SLC2A9: variants seen among roughly 807,000 people sequenced by gnomAD.
SLC2A9 encodes solute carrier family 2 member 9, also known as solute carrier family 2, facilitated glucose transporter member 9.
SLC2A9 carries 39 observed loss-of-function variants against 50.6 expected under a neutral mutation model. The observed-to-expected ratio is 0.77, with a 90% CI of 0.60 to 1.01. The LOEUF (loss-of-function observed/expected upper bound fraction) is 1.01, where lower values mean the gene tolerates loss of function less well. SLC2A9 is among the 50% of genes least tolerant of loss of function. SLC2A9 has a pLI of 0.00. For synonymous variants in SLC2A9, 324 were observed against 276.9 expected, an observed-to-expected ratio of 1.17 and a Z score of -1.69; for missense variants, 686 against 677.6, an observed-to-expected ratio of 1.01 and a Z score of -0.14.
intron 10 of SLC2A9, among the ~76,000 whole-genome samples, chr4:9,870,460 A>G (rs960672200): frequency 3.3e-5 from 5 of 152,160 alleles, no homozygotes; most frequent in African/African-American, 1.2e-4. Flanking sequence ...GGTTTTCTAC[A>G]TTTCTGTTGA....
intron 3 of SLC2A9, among the ~76,000 whole-genome samples, chr4:9,787,787 T>A (rs1198716385): frequency 6.6e-6 from 1 of 152,224 alleles, no homozygotes; most frequent in African/African-American, 2.4e-5. Context: ...GATTGGATTC[T>A]GTCATGTATG....
chr4:9,953,307 G>A (rs1315030788), intron 5 of SLC2A9, among the ~76,000 whole-genome samples: 5 of 152,200 alleles, frequency 3.3e-5, no homozygotes, highest in East Asian at 1.9e-4. Flanking sequence ...GGGCAGTGAC[G>A]AGAGGTCCCA....
intron 3 of SLC2A9, among the ~76,000 whole-genome samples, chr4:9,987,346 C>A (rs1449921871): frequency 6.6e-6 from 1 of 152,188 alleles, no homozygotes; most frequent in Non-Finnish European, 1.5e-5. Flanking sequence ...TCTCAAACTT[C>A]TGACCTCAGG....
chr4:9,991,751 G>C (rs945212237), intron 3 of SLC2A9, among the ~76,000 whole-genome samples: 4 of 152,166 alleles, frequency 2.6e-5, no homozygotes, highest in East Asian at 3.9e-4. Context: ...CACACACACA[G>C]GGAGCACACA....
chr4:9,927,755 T>C (rs189358732), intron 6 of SLC2A9, among the ~76,000 whole-genome samples: 204 of 152,288 alleles, frequency 1.3e-3, no homozygotes, highest in Non-Finnish European at 1.8e-3. Context: ...TTTATAGCTT[T>C]ATAACGTTTT....
chr4:9,944,809 T>C (rs1748811450), intron 5 of SLC2A9, among the ~76,000 whole-genome samples: 1 of 152,228 alleles, frequency 6.6e-6, no homozygotes, highest in Non-Finnish European at 1.5e-5. Flanking sequence ...AGAGGTGTTA[T>C]AGTTAGGAGA....
At chr4:9,931,962 C>CTCTCTCTCTCTA in intron 6 of SLC2A9, among the ~76,000 whole-genome samples, 1 of 14,580 alleles carries the variant, frequency 6.9e-5, no homozygotes, top group Non-Finnish European at 1.1e-4. Context: ...CTCTCTCTCT[C>CTCTCTCTCTCTA]TATATATATA....
chr4:10,039,159 A>G (rs1225195261), intron 1 of SLC2A9, among the ~76,000 whole-genome samples: 1 of 152,220 alleles, frequency 6.6e-6, no homozygotes, highest in African/African-American at 2.4e-5. Flanking sequence ...TGTTGCAGAA[A>G]TGGACCTGGA....
At chr4:10,036,949 G>A (rs1192616278) in intron 1 of SLC2A9, among the ~76,000 whole-genome samples, 2 of 152,122 alleles carry the variant, frequency 1.3e-5, no homozygotes, top group African/African-American at 4.8e-5. Context: ...GGAGCAAGCG[G>A]GGCCTCTAGA....
chr4:9,885,762 C>T (rs367761678), intron 10 of SLC2A9, among the ~76,000 whole-genome samples: 3 of 152,192 alleles, frequency 2.0e-5, no homozygotes, highest in East Asian at 3.8e-4. Flanking sequence ...GCACACAGGC[C>T]GCATGCAGCC....
chr4:9,780,448 T>G (rs1195058519), intron 3 of SLC2A9, among the ~76,000 whole-genome samples: 1 of 150,964 alleles, frequency 6.6e-6, no homozygotes, highest in Admixed American at 6.6e-5. Context: ...GGGAAGGAGG[T>G]TGGGGGAAGG....
intron 10 of SLC2A9, among the ~76,000 whole-genome samples, chr4:9,835,943 T>G (rs1175739292): frequency 6.6e-6 from 1 of 151,630 alleles, no homozygotes; most frequent in East Asian, 1.9e-4. Flanking sequence ...AAAAATTAGC[T>G]GGGCGTGGTG....
chr4:10,010,980 A>G (rs1233115860), intron 2 of SLC2A9, among the ~76,000 whole-genome samples: 1 of 152,016 alleles, frequency 6.6e-6, no homozygotes, highest in Non-Finnish European at 1.5e-5. Flanking sequence ...GGATCCTCCT[A>G]CAATCATAGG....
chr4:10,002,670 T>C (rs1016743891), intron 2 of SLC2A9, among the ~76,000 whole-genome samples: 4 of 152,136 alleles, frequency 2.6e-5, no homozygotes, highest in African/African-American at 9.7e-5. Flanking sequence ...CTGGCCAACA[T>C]GGTGAAACCC....
intron 3 of SLC2A9, among the ~76,000 whole-genome samples, chr4:9,790,283 C>T (rs1577287719): frequency 1.3e-5 from 2 of 152,266 alleles, no homozygotes; most frequent in Non-Finnish European, 2.9e-5. Flanking sequence ...TTGTAAATTC[C>T]CTCTCCATCT....
At chr4:9,986,088 C>G (rs1394074857) in intron 3 of SLC2A9, among the ~76,000 whole-genome samples, 2 of 152,236 alleles carry the variant, frequency 1.3e-5, no homozygotes, top group Non-Finnish European at 2.9e-5. Flanking sequence ...CAGTGGTCAT[C>G]TTACAATTCG....
intron 1 of SLC2A9, among the ~76,000 whole-genome samples, chr4:10,031,209 A>C (rs1447650345): frequency 6.6e-6 from 1 of 152,170 alleles, no homozygotes; most frequent in Non-Finnish European, 1.5e-5. Flanking sequence ...CCTCCCTTTG[A>C]TTTCTTCCAA....
In SLC2A9 at chr4:9,992,777, C is replaced by T. The variant is rs142148610; in HGVS notation, c.410+4004G>A. Among the ~76,000 whole-genome samples the T allele has an allele frequency of 5.9e-5, 9 of 152,314 alleles. No individual in the cohort carries two copies. In the East Asian group the frequency reaches 1.3e-3, roughly 23 times the overall value. The stretch of plus-strand genomic sequence containing the variant: ...TTAGTTATTGTGAGCCAAGTAATTC[C>T]CTTTTGGGCTTCAGCCAGTTTGCTT... On this transcript the variant is annotated intron_variant, in intron 3 of 11. Transcript: ENST00000264784.
intron 10 of SLC2A9, among the ~76,000 whole-genome samples, chr4:9,856,860 G>A (rs1197267395): frequency 6.6e-6 from 1 of 152,132 alleles, no homozygotes; most frequent in African/African-American, 2.4e-5. Flanking sequence ...AACTAATATA[G>A]AAACAGAAAA....
Sources: gnomAD v4.1 joint callset for allele counts (sites outside exome capture counted in the v4.1 genomes callset) on GRCh38, gnomAD v4.1.1 for gene constraint, MANE v1.5 for transcripts, NCBI Gene and HGNC (gene_info 2026-07-23, HGNC 2026-07-21) for gene names.